The following SAA2 variants were observed in gnomAD, a reference collection of about 807,000 sequenced individuals.
The protein encoded by SAA2 is serum amyloid A-2 protein.
A neutral mutation model predicts 9.1 loss-of-function variants in SAA2; 5 were observed. The ratio of observed to expected loss-of-function variants is 0.55; its 90% CI spans 0.29 to 1.16. SAA2 has a LOEUF of 1.16. Ranked by LOEUF, SAA2 falls within the 50% of genes most tolerant of loss-of-function variation. The pLI is 0.09. For missense variants in SAA2, 94 were observed against 153.8 expected (o/e 0.61, Z 2.06); for synonymous variants, 49 against 59.8 (o/e 0.82, Z 0.83).
chr11:18,244,498 A>G (rs1020473304), downstream of SAA2, among the ~76,000 whole-genome samples: 2 of 152,126 alleles, frequency 1.3e-5, no homozygotes, highest in African/African-American at 4.8e-5. Context: ...CCCAATCTCA[A>G]ATTTATACCT....
At chr11:18,243,988 G>C (rs1857423830), downstream of SAA2, among the ~76,000 whole-genome samples, 1 of 152,156 alleles carries the variant, frequency 6.6e-6, no homozygotes, top group African/African-American at 2.4e-5. Flanking sequence ...ATCTTTTCCT[G>C]TTCTTTTGTG....
At chr11:18,242,075 G>GAA (rs1857362310), downstream of SAA2, 1 of 152,200 alleles carries the variant, frequency 6.6e-6, no homozygotes, top group Non-Finnish European at 1.5e-5. Flanking sequence ...AGATAAGACT[G>GAA]AAAAGCTTGG....
At position 18,245,247 on chromosome 11, in the gene SAA2, T is replaced by C; in HGVS notation, c.*130A>G. Reference sequence around the variant, plus strand: ...ACACACTGTTTCAACAAATTCCACCTCTTAAGCATTTATTAGATGCCTATT... The same window carrying C: ...ACACACTGTTTCAACAAATTCCACCCCTTAAGCATTTATTAGATGCCTATT... On this transcript the variant is annotated 3_prime_UTR_variant, in exon 4 of 4. Transcript: ENST00000256733. The C allele has an allele frequency of 1.3e-6, 2 of 1,488,136 alleles. No homozygotes were observed. The highest frequency in any genetic ancestry group is 1.8e-6 in the Non-Finnish European group (2 of 1,118,132). The allele number at this position is 1,488,136 out of a possible 1,614,324, so 92.2% of individuals were successfully genotyped here.
At chr11:18,244,339 G>A (rs1227050823), downstream of SAA2, among the ~76,000 whole-genome samples, 2 of 152,130 alleles carry the variant, frequency 1.3e-5, no homozygotes, top group African/African-American at 2.4e-5. Flanking sequence ...ATTTGTCACA[G>A]GAACCCTAGC....
In SAA2 at chr11:18,245,390, G is replaced by C; in HGVS notation, c.356C>G (p.Pro119Arg). ...TGAAGAGGAAGCTCAGTATTTCTCA[G>C]GCAGGCCAGCAGGTCGGAAGTGATT... ...DPNHFRPAGL[P>R]EKY The change falls in exon 4 of 4, where the codon CCT becomes CGT. Residue 119 changes from proline (P) to arginine (R), a missense_variant. Around this residue, in one of 2 missense-constraint regions of SAA2, gnomAD observed 62 missense variants for 58.3 expected, o/e 1.06. Transcript: ENST00000256733. 2 of 1,614,248 alleles carry C rather than the reference G, an allele frequency of 1.2e-6. No homozygotes were observed. Among genetic ancestry groups the C allele is most frequent in the Non-Finnish European group, 1.7e-6 (2 of 1,180,052 alleles).
intron 3 of SAA2, chr11:18,240,028 G>A: frequency 1.3e-6 from 2 of 1,545,670 alleles, no homozygotes; most frequent in Non-Finnish European, 1.7e-6. Flanking sequence ...ACATGCAAGG[G>A]GGAAAATCAC....
downstream of SAA2, among the ~76,000 whole-genome samples, chr11:18,243,931 A>C (rs2134138592): frequency 6.6e-6 from 1 of 152,288 alleles, no homozygotes; most frequent in Non-Finnish European, 1.5e-5. Flanking sequence ...CATGATGTTA[A>C]TCTTCACCCA....
At chr11:18,245,653 C>G (rs568193056) in intron 3 of SAA2, 138 bp from the exon 4 acceptor site, 1 of 1,389,934 alleles carries the variant, frequency 7.2e-7, no homozygotes, top group East Asian at 2.4e-5. Flanking sequence ...AAACACTGAC[C>G]CTGCCTGGGC....
Position 18,245,285 on chromosome 11 carries a change from T to A in SAA2, c.*92A>T. Reference sequence around the variant, plus strand: ...TTAGATGCCTATTATATGCCATATCTCAGCTTCTCTGGACATAGACCTCAC... The same window carrying A: ...TTAGATGCCTATTATATGCCATATCACAGCTTCTCTGGACATAGACCTCAC... On this transcript the variant is annotated 3_prime_UTR_variant, in exon 4 of 4. Coordinates refer to ENST00000256733, the MANE Select transcript of SAA2 (RefSeq NM_030754.5). The A allele has an allele frequency of 6.4e-7, 1 of 1,565,416 alleles. No homozygotes were observed. The highest frequency in any genetic ancestry group is 2.3e-5 in the East Asian group (1 of 44,324).
intron 3 of SAA2, 42 bp from the exon 4 acceptor site, chr11:18,245,557 A>T (rs1857483761): frequency 6.2e-7 from 1 of 1,608,052 alleles, no homozygotes; most frequent in Non-Finnish European, 8.5e-7. Flanking sequence ...TCATCAGGCC[A>T]GTGAGCAACA....
At chr11:18,238,519 A>T (rs942128015), downstream of SAA2, among the ~76,000 whole-genome samples, 23 of 151,882 alleles carry the variant, frequency 1.5e-4, no homozygotes, top group Admixed American at 3.3e-4. Flanking sequence ...ATTCCTTTTT[A>T]AAAATTTTTT....
downstream of SAA2, among the ~76,000 whole-genome samples, chr11:18,244,314 C>A (rs551769974): frequency 6.6e-6 from 1 of 152,278 alleles, no homozygotes; most frequent in South Asian, 2.1e-4. Context: ...CTCCTGCCCC[C>A]AAGCAGTTTC....
intron 2 of SAA2, among the ~76,000 whole-genome samples, chr11:18,246,537 C>A (rs912043843): frequency 8.5e-5 from 13 of 152,114 alleles, no homozygotes; most frequent in Non-Finnish European, 1.5e-4. Context: ...CTTTCTTTTT[C>A]TTTTTTATTT....
intron 3 of SAA2, chr11:18,240,137 G>A: frequency 1.1e-6 from 1 of 884,426 alleles, no homozygotes; most frequent in Non-Finnish European, 1.8e-6. Flanking sequence ...ATTTTTTGAA[G>A]TCATAAATGA....
At chr11:18,241,132 CAG>C (rs1857333854), downstream of SAA2, among the ~76,000 whole-genome samples, 1 of 152,118 alleles carries the variant, frequency 6.6e-6, no homozygotes, top group African/African-American at 2.4e-5. Context: ...CACTAATCAT[CAG>C]AGTCACAAAT....
chr11:18,242,883 G>A, downstream of SAA2: 1 of 688,768 alleles, frequency 1.5e-6, no homozygotes, highest in South Asian at 1.5e-5. Flanking sequence ...CTATAACAAA[G>A]AGCAATGCAA....
chr11:18,242,539 C>G, downstream of SAA2: 1 of 488,280 alleles, frequency 2.0e-6, no homozygotes, highest in Non-Finnish European at 3.6e-6. Context: ...AGCCTCAAAC[C>G]GACACAAAAA....
In SAA2 at chr11:18,247,975, C is replaced by T. The variant is rs1270894065; in HGVS notation, c.37G>A (p.Val13Ile). 6.2e-7 allele frequency: 1 copy of T among 1,613,570 alleles called. No homozygotes were observed. Among genetic ancestry groups the T allele is most frequent in the Admixed American group, 1.7e-5 (1 of 59,974 alleles). The change falls in exon 2 of 4, where the codon GTC (valine) becomes ATC (isoleucine). Residue 13 changes from valine to isoleucine, a missense_variant. Val to Ile is a conservative substitution (Grantham distance 29, BLOSUM62 3). Around this residue, in one of 2 missense-constraint regions of SAA2, gnomAD observed 32 missense variants for 95.5 expected, o/e 0.34. Transcript: ENST00000256733. ...AAGCTTCGGCTGCTGACACTCAGGA[C>T]CAAGGAGCAGAAAACCAGGCCCGTG... ...LLTGLVFCSL[V>I]LSVSSRSFFS... is the part of the protein sequence containing the mutation.
At chr11:18,240,411 A>G (rs1857314132), downstream of SAA2, 1 of 655,112 alleles carries the variant, frequency 1.5e-6, no homozygotes, top group Admixed American at 2.5e-5. Flanking sequence ...TGCCTTTCAA[A>G]GGCCTTTAAA....
Sources: allele counts gnomAD v4.1 joint callset (sites outside exome capture counted in the v4.1 genomes callset), GRCh38; gene constraint gnomAD v4.1.1; regional missense constraint gnomAD v4.1.1; transcripts MANE v1.5; gene names NCBI Gene and HGNC (gene_info 2026-07-23, HGNC 2026-07-21).